The following NEB variants were observed in gnomAD, a reference collection of about 807,000 sequenced individuals.
NEB encodes nemaline myopathy type 2.
Under a neutral mutation model 952.2 loss-of-function variants are expected in NEB, and 512 were observed. The observed-to-expected ratio is 0.54, with a 90% CI of 0.50 to 0.58. The LOEUF (loss-of-function observed/expected upper bound fraction) is 0.58, where lower values mean the gene tolerates loss of function less well. Among genes scored for constraint, NEB ranks in the 20% least tolerant of loss-of-function variants. The pLI is 0.00. For synonymous variants in NEB, 2,900 were observed against 3,149.8 expected (o/e 0.92, Z 2.66); for missense variants, 8,428 against 9,231.1 (o/e 0.91, Z 3.56).
chr2:151,614,503 A>G lies in NEB; in HGVS notation c.11374T>C (p.Ser3792Pro). ...NIKDDPKMMW[S>P]IHVAKIQSDR... ...CTCTGGATCTTGGCCACATGGATGGACCACATCATCTTCGGGTCATCCTTA... is the reference window on the plus strand; with the variant it reads ...CTCTGGATCTTGGCCACATGGATGGGCCACATCATCTTCGGGTCATCCTTA... Residue 3792 changes from serine to proline, a missense_variant, in exon 77 of 182, where the codon TCC becomes CCC. Physicochemically the swap from Ser to Pro is moderately conservative, Grantham distance 74. Coordinates refer to ENST00000397345, the MANE Select transcript of NEB (RefSeq NM_001164508.2). The G allele has an allele frequency of 6.2e-7, 1 of 1,613,874 alleles. No homozygotes were observed. Among genetic ancestry groups the G allele is most frequent in the Non-Finnish European group, 8.5e-7 (1 of 1,179,850 alleles).
Position 151,650,230 on chromosome 2 carries a change from A to T in NEB, c.7377T>A (p.Ile2459=), listed in dbSNP as rs779414732. ...QPPDRNKFTS[I]PDAMDIVLAK... ...CCAGAACTATATCCATGGCATCAGG[A>T]ATGCTGGTGAACTTGTTTCTGTCTG... is the stretch of plus-strand genomic sequence containing the variant. The change falls in exon 54 of 182, where the codon ATT becomes ATA. Residue 2459 remains isoleucine (I), a synonymous_variant. Coordinates refer to ENST00000397345, the MANE Select transcript of NEB (RefSeq NM_001164508.2). The T allele has an allele frequency of 9.3e-6, 15 of 1,613,900 alleles. No homozygotes were observed. Among genetic ancestry groups the T allele is most frequent in the Non-Finnish European group, 1.3e-5 (15 of 1,179,852 alleles).
intron 176 of NEB, 104 bp from the exon 177 acceptor site, chr2:151,492,598 G>T: frequency 3.9e-6 from 3 of 766,636 alleles, no homozygotes; most frequent in Non-Finnish European, 6.1e-6. Flanking sequence ...GGACGCTTGG[G>T]TCAACTGAAG....
chr2:151,546,548 G>A, intron 133 of NEB, 105 bp from the exon 134 acceptor site: 1 of 550,436 alleles, frequency 1.8e-6, no homozygotes, highest in East Asian at 3.4e-5. Flanking sequence ...TTTCATTTTG[G>A]TTCATCTACT....
intron 105 of NEB, among the ~76,000 whole-genome samples, chr2:151,578,205 T>C (rs1245991039): frequency 1.3e-5 from 2 of 152,092 alleles, no homozygotes; most frequent in Non-Finnish European, 2.9e-5. Flanking sequence ...TCCAAAAGTT[T>C]GAAGGGCGGA....
intron 141 of NEB, 69 bp from the exon 142 acceptor site, chr2:151,535,864 A>AC: frequency 1.3e-6 from 1 of 792,180 alleles, no homozygotes; most frequent in African/African-American, 1.7e-5. Flanking sequence ...CATGCTGTTT[A>AC]TCATATGATA....
intron 30 of NEB, 40 bp downstream of exon 30, chr2:151,680,690 A>C: frequency 7.4e-7 from 1 of 1,355,128 alleles, no homozygotes; most frequent in South Asian, 1.2e-5. Context: ...TATTTGTATT[A>C]GTTAACATCT....
At chr2:151,701,321 A>G (rs956524409) in intron 13 of NEB, among the ~76,000 whole-genome samples, 1 of 151,894 alleles carries the variant, frequency 6.6e-6, no homozygotes, top group African/African-American at 2.4e-5. Context: ...TTGGTCTAAA[A>G]TTCTCTTTTT....
chr2:151,697,114 G>A (rs1367750334), intron 16 of NEB, 34 bp downstream of exon 16: 1 of 1,482,526 alleles, frequency 6.7e-7, no homozygotes, highest in South Asian at 1.2e-5. Context: ...GCTATGGAAG[G>A]CAGTCACATT....
intron 107 of NEB, 36 bp from the exon 108 acceptor site, chr2:151,570,637 C>A (rs1231025859): frequency 3.9e-6 from 6 of 1,545,148 alleles, no homozygotes; most frequent in Non-Finnish European, 5.3e-6. Context: ...ATCCTAGATT[C>A]AAATTTGCCA....
intron 129 of NEB, among the ~76,000 whole-genome samples, chr2:151,550,464 C>A (rs1250626554): frequency 6.6e-6 from 1 of 151,976 alleles, no homozygotes; most frequent in Non-Finnish European, 1.5e-5. Context: ...GTTTGTATTA[C>A]CCTCTCCTGC....
chr2:151,530,200 A>G (rs1480331416), intron 145 of NEB, among the ~76,000 whole-genome samples: 1 of 152,210 alleles, frequency 6.6e-6, no homozygotes, highest in Non-Finnish European at 1.5e-5. Flanking sequence ...CCTTTTAAAA[A>G]TATATAGAAC....
At chr2:151,536,782 C>T (rs6744470) in intron 141 of NEB, among the ~76,000 whole-genome samples, 91,382 of 152,030 alleles carry the variant, frequency 0.6, 28,026 homozygotes, top group Admixed American at 0.7. Flanking sequence ...GTGGTTTGCC[C>T]CACGTCATAC....
intron 109 of NEB, 85 bp from the exon 110 acceptor site, chr2:151,569,457 A>G: frequency 9.8e-7 from 1 of 1,023,200 alleles, no homozygotes; most frequent in Admixed American, 1.7e-5. Flanking sequence ...GAAGAAATAC[A>G]ATGTAAATGC....
At chr2:151,501,269 T>TTGA in intron 168 of NEB, 122 bp downstream of exon 168, 1 of 623,768 alleles carries the variant, frequency 1.6e-6, no homozygotes, top group Non-Finnish European at 2.8e-6. Flanking sequence ...AAGGATTCAG[T>TTGA]TGATGTGATT....
chr2:151,507,568 CCT>C (rs764605183), intron 162 of NEB, among the ~76,000 whole-genome samples: 16 of 152,162 alleles, frequency 1.1e-4, no homozygotes, highest in Non-Finnish European at 1.6e-4. Context: ...CGCTAAATCC[CCT>C]GTTTATTACC....
chr2:151,675,335 A>T lies in NEB; in HGVS notation c.3831T>A (p.Asp1277Glu). ...DVKHKYTMSP[D>E]LPQFLQAKCN... ...ACTTGGCCTGGAGAAACTGAGGAAG[A>T]TCAGGACTCATGGTGTATTTATGTT... Residue 1277 changes from aspartate (D) to glutamate (E), a missense_variant, in exon 35 of 182, where the codon GAT becomes GAA. Physicochemically the swap from Asp to Glu is conservative, Grantham distance 45. Around this residue, in one of 11 missense-constraint regions of NEB, gnomAD observed 2,851 missense variants for 2,791.5 expected, o/e 1.02. Coordinates refer to ENST00000397345, the MANE Select transcript of NEB (RefSeq NM_001164508.2). The T allele has an allele frequency of 6.3e-7, 1 of 1,595,568 alleles. No homozygotes were observed. The highest frequency in any genetic ancestry group is 8.6e-7 in the Non-Finnish European group (1 of 1,169,518).
intron 148 of NEB, 146 bp downstream of exon 148, chr2:151,526,772 T>C (rs1337775103): frequency 6.2e-6 from 4 of 649,778 alleles, no homozygotes; most frequent in Non-Finnish European, 1.1e-5. Flanking sequence ...CTGGCGCCCC[T>C]CACAGGACAG....
At chr2:151,724,194 G>C (rs1426723572) in intron 8 of NEB, 66 bp downstream of exon 8, 73 of 1,206,588 alleles carry the variant, frequency 6.1e-5, no homozygotes, top group Non-Finnish European at 8.3e-5. Context: ...AGTTCACCAA[G>C]TATTACATGA....
chr2:151,529,828 C>A (rs953214472), intron 145 of NEB, among the ~76,000 whole-genome samples: 1 of 152,176 alleles, frequency 6.6e-6, no homozygotes, highest in Non-Finnish European at 1.5e-5. Flanking sequence ...CTGTGCCCAG[C>A]CTGCCATATA....
Sources: gnomAD v4.1 joint callset for allele counts (sites outside exome capture counted in the v4.1 genomes callset) on GRCh38, gnomAD v4.1.1 for gene constraint, gnomAD v4.1.1 regional missense constraint, MANE v1.5 for transcripts, NCBI Gene and HGNC (gene_info 2026-07-23, HGNC 2026-07-21) for gene names.